PCDH15: variants seen among roughly 807,000 people sequenced by gnomAD.
PCDH15 encodes the protein protocadherin related 15, also known as protocadherin-15.
In PCDH15, 129 loss-of-function variants were observed where a neutral mutation model predicts 178.5. The ratio of observed to expected loss-of-function variants is 0.72; its 90% CI spans 0.63 to 0.84. The LOEUF (loss-of-function observed/expected upper bound fraction) is 0.84, where lower values mean the gene tolerates loss of function less well. Among genes scored for constraint, PCDH15 ranks in the 40% least tolerant of loss-of-function variants. PCDH15 has a pLI of 0.00. For missense variants in PCDH15, 2,230 were observed against 2,099.9 expected (o/e 1.06, Z -1.21); for synonymous variants, 800 against 732.0 (o/e 1.09, Z -1.50).
intron 3 of PCDH15, among the ~76,000 whole-genome samples, chr10:54,882,366 A>T (rs1033625942): frequency 1.3e-5 from 2 of 152,048 alleles, no homozygotes; most frequent in African/African-American, 4.8e-5. Context: ...CCATAGTCTC[A>T]TAAAGTCGGA....
chr10:54,272,650 C>G (rs1375495972), intron 8 of PCDH15, among the ~76,000 whole-genome samples: 1 of 152,106 alleles, frequency 6.6e-6, no homozygotes, highest in Admixed American at 6.6e-5. Context: ...AAAATGGGAT[C>G]CGTTTTCTAA....
chr10:55,376,955 C>G (rs188027861), intron 2 of PCDH15, among the ~76,000 whole-genome samples: 25 of 151,826 alleles, frequency 1.6e-4, no homozygotes, highest in Admixed American at 1.3e-3. Context: ...AATTATAACC[C>G]TATTTTTAAA....
chr10:55,250,253 C>T (rs1841798803), intron 1 of PCDH15, among the ~76,000 whole-genome samples: 1 of 151,942 alleles, frequency 6.6e-6, no homozygotes, highest in Admixed American at 6.6e-5. Context: ...AAGTGATCCT[C>T]CCGCATCAGC....
intron 3 of PCDH15, among the ~76,000 whole-genome samples, chr10:54,448,627 A>C (rs2076282864): frequency 6.6e-6 from 1 of 151,752 alleles, no homozygotes; most frequent in Admixed American, 6.6e-5. Flanking sequence ...CATTAAAAAA[A>C]GGAAATTCTA....
intron 3 of PCDH15, among the ~76,000 whole-genome samples, chr10:54,483,508 G>C (rs2078871532): frequency 6.6e-6 from 1 of 151,600 alleles, no homozygotes; most frequent in Admixed American, 6.6e-5. Flanking sequence ...TCATTCTCTT[G>C]TAATTTCTTT....
At chr10:55,395,053 T>C (rs1286755026) in intron 2 of PCDH15, among the ~76,000 whole-genome samples, 2 of 152,030 alleles carry the variant, frequency 1.3e-5, no homozygotes, top group Non-Finnish European at 2.9e-5. Context: ...CAATCACAAT[T>C]AAAAAGCAGA....
At chr10:54,070,829 T>C (rs1402969782) in intron 17 of PCDH15, among the ~76,000 whole-genome samples, 3 of 151,920 alleles carry the variant, frequency 2.0e-5, no homozygotes, top group Admixed American at 1.3e-4. Context: ...AAACTTCTCA[T>C]CTCAATCCCA....
At chr10:53,993,297 G>A (rs368376014) in intron 21 of PCDH15, among the ~76,000 whole-genome samples, 2 of 152,140 alleles carry the variant, frequency 1.3e-5, no homozygotes, top group East Asian at 1.9e-4. Context: ...CAGAATAAAC[G>A]TTTATTTATT....
chr10:55,601,609 A>G (rs1002753861), intron 2 of PCDH15, among the ~76,000 whole-genome samples: 2 of 152,202 alleles, frequency 1.3e-5, no homozygotes, highest in African/African-American at 4.8e-5. Flanking sequence ...TAGAGAAATT[A>G]CAGATATATT....
At chr10:55,530,358 T>C (rs1425458635) in intron 2 of PCDH15, among the ~76,000 whole-genome samples, 2 of 151,916 alleles carry the variant, frequency 1.3e-5, no homozygotes, top group African/African-American at 4.8e-5. Context: ...GCTTCACATA[T>C]GAATTTTAAA....
chr10:54,097,974 A>G (rs1184106604), intron 15 of PCDH15, among the ~76,000 whole-genome samples: 1 of 152,176 alleles, frequency 6.6e-6, no homozygotes, highest in Non-Finnish European at 1.5e-5. Flanking sequence ...TCAGTATCAT[A>G]AAGGGCCTTC....
At chr10:54,573,974 T>C (rs1443974317) in intron 2 of PCDH15, among the ~76,000 whole-genome samples, 1 of 152,204 alleles carries the variant, frequency 6.6e-6, no homozygotes, top group Non-Finnish European at 1.5e-5. Context: ...ATTGTGTAGG[T>C]TGCCTGTTCA....
At chr10:54,393,854 G>A (rs1950855602) in intron 3 of PCDH15, among the ~76,000 whole-genome samples, 1 of 152,070 alleles carries the variant, frequency 6.6e-6, no homozygotes, top group Non-Finnish European at 1.5e-5. Context: ...AGCTAATAAT[G>A]CACATGTCAT....
chr10:54,568,994 G>T (rs7903258), intron 2 of PCDH15, among the ~76,000 whole-genome samples: 139,422 of 151,914 alleles, frequency 0.92, 64,551 homozygotes, highest in Middle Eastern at 0.98. Flanking sequence ...CTAGTTTCAA[G>T]GAATAATCTA....
chr10:54,257,227 A>C (rs1269949800), intron 8 of PCDH15, among the ~76,000 whole-genome samples: 3 of 152,100 alleles, frequency 2.0e-5, no homozygotes, highest in Admixed American at 6.6e-5. Flanking sequence ...CAATTAAAAC[A>C]ATGTATAGTA....
At chr10:55,188,769 C>T (rs1403829035) in intron 1 of PCDH15, among the ~76,000 whole-genome samples, 2 of 151,636 alleles carry the variant, frequency 1.3e-5, no homozygotes, top group Non-Finnish European at 1.5e-5. Flanking sequence ...TTTTTACATA[C>T]ATGTGTATAT....
In PCDH15 at chr10:54,877,936, CTCTTTTTTTTTTTTTTTT is replaced by C. The variant is rs1287900099; in HGVS notation, c.-29+19496_-29+19513del. 1.7e-3 allele frequency among the ~76,000 whole-genome samples: 175 copies of C among 104,318 alleles called. 10 individuals carry two copies. Among genetic ancestry groups the C allele is most frequent in the Non-Finnish European group, 2.4e-3 (119 of 50,040 alleles). 68.4% of individuals were successfully genotyped at this position (104,318 alleles called of 152,430 possible). On this transcript the variant is annotated intron_variant, in intron 3 of 5. Coordinates refer to the PCDH15 transcript ENST00000458638. The stretch of plus-strand genomic sequence containing the variant: ...TCTCTTATTCTCTTTCTCTCTCTCT[CTCTTTTTTTTTTTTTTTT>C]TTTTTTTTTTTTTTTTTTTTTTTGT...
chr10:55,388,813 G>C (rs945474943), intron 2 of PCDH15, among the ~76,000 whole-genome samples: 4 of 152,052 alleles, frequency 2.6e-5, no homozygotes, highest in East Asian at 1.9e-4. Flanking sequence ...ATATTGGATA[G>C]AGCAATAACA....
intron 28 of PCDH15, 37 bp from the exon 29 acceptor site, chr10:53,840,533 T>A: frequency 1.9e-6 from 3 of 1,566,718 alleles, no homozygotes; most frequent in Non-Finnish European, 1.8e-6. Context: ...GACAGTCCAA[T>A]GGGCTTTCTG....
Sources: allele counts gnomAD v4.1 joint callset (sites outside exome capture counted in the v4.1 genomes callset), GRCh38; gene constraint gnomAD v4.1.1; transcripts MANE v1.5; gene names NCBI Gene and HGNC (gene_info 2026-07-23, HGNC 2026-07-21).